The following PRDM6 variants were observed in gnomAD, a reference collection of about 807,000 sequenced individuals.
PRDM6 encodes the protein putative histone-lysine N-methyltransferase PRDM6.
In PRDM6, 25 loss-of-function variants were observed where a neutral mutation model predicts 60.8. The observed-to-expected ratio is 0.41, with a 90% CI of 0.30 to 0.57. PRDM6 has a LOEUF of 0.57. Among genes scored for constraint, PRDM6 ranks in the 20% least tolerant of loss-of-function variants. The probability of loss-of-function intolerance (pLI) is 0.27; values close to 1 mark genes in which losing one functional copy is unlikely to be tolerated. For missense variants in PRDM6, 839 were observed against 821.3 expected (o/e 1.02, Z -0.26); for synonymous variants, 407 against 357.4 (o/e 1.14, Z -1.57).
At chr5:123,147,473 G>T (rs1218572659) in intron 3 of PRDM6, among the ~76,000 whole-genome samples, 1 of 152,184 alleles carries the variant, frequency 6.6e-6, no homozygotes, top group Non-Finnish European at 1.5e-5. Context: ...AGATAGGTTT[G>T]TAGCAGGGCC....
At chr5:123,101,290 C>T (rs757160953) in intron 3 of PRDM6, among the ~76,000 whole-genome samples, 34 of 152,248 alleles carry the variant, frequency 2.2e-4, no homozygotes, top group Middle Eastern at 6.8e-3. Context: ...GTCTGCAAAG[C>T]CTCTTTTGAT....
At position 123,192,554 on chromosome 5, in the gene PRDM6, A is replaced by G. The variant is rs544729929; in HGVS notation, c.*5353A>G. 6 of 152,298 alleles carry G rather than the reference A, an allele frequency of 3.9e-5. No homozygotes were observed. Among genetic ancestry groups the G allele is most frequent in the African/African-American group, 9.6e-5 (4 of 41,580 alleles). The allele number at this position is 152,298 out of a possible 1,614,324, so 9.4% of individuals were successfully genotyped here. ...TGCTGGACAGAATTTCAACTATTCC[A>G]TTGCTGTCAGGCATTGTTTTTGTTT... On this transcript the variant is annotated 3_prime_UTR_variant, in exon 8 of 8. Transcript: ENST00000407847.
chr5:123,136,691 G>C (rs383705), intron 3 of PRDM6, among the ~76,000 whole-genome samples: 110,219 of 152,110 alleles, frequency 0.72, 40,095 homozygotes, highest in Non-Finnish European at 0.75. Flanking sequence ...GTAGAAAAAG[G>C]TTTAATAGAG....
intron 3 of PRDM6, among the ~76,000 whole-genome samples, chr5:123,125,271 G>A (rs942159679): frequency 6.6e-6 from 1 of 151,914 alleles, no homozygotes; most frequent in Non-Finnish European, 1.5e-5. Context: ...TGGGCTTATA[G>A]TACATTTTAA....
In PRDM6 at chr5:123,170,931, A is replaced by G. The variant is rs1765876728; in HGVS notation, c.1319A>G (p.Glu440Gly). 6.4e-7 allele frequency: 1 copy of G among 1,551,900 alleles called. No homozygotes were observed. The highest frequency in any genetic ancestry group is 1.2e-5 in the South Asian group (1 of 84,058). Residue 440 changes from glutamate (E) to glycine (G), a missense_variant, in exon 6 of 8, where the codon GAA becomes GGA. Physicochemically the swap from Glu to Gly is moderately conservative, Grantham distance 98 (BLOSUM62 -2). Transcript: ENST00000407847. ...FSLLDKSGPI[E>G]SGFNQINVKN... ...CTTCTGGATAAGTCTGGGCCCATTG[A>G]ATCAGGATTTAATCAAATCAACGTG...
At chr5:123,164,007 G>A (rs1333219010) in intron 5 of PRDM6, among the ~76,000 whole-genome samples, 1 of 152,158 alleles carries the variant, frequency 6.6e-6, no homozygotes, top group Non-Finnish European at 1.5e-5. Context: ...CTAGGTCAGA[G>A]TCAGGAAGGC....
chr5:123,174,511 A>G (rs925952275), intron 6 of PRDM6, among the ~76,000 whole-genome samples: 1 of 152,258 alleles, frequency 6.6e-6, no homozygotes, highest in African/African-American at 2.4e-5. Context: ...AAACAAGTCC[A>G]AATTTGAAAC....
At chr5:123,165,242 C>T (rs1463885825) in intron 5 of PRDM6, among the ~76,000 whole-genome samples, 4 of 152,168 alleles carry the variant, frequency 2.6e-5, no homozygotes, top group African/African-American at 4.8e-5. Context: ...ACTAAACCTG[C>T]GTAAAACTAA....
In PRDM6 at chr5:123,174,826, A is replaced by G. The variant is rs187773954; in HGVS notation, c.1496+3718A>G. ...CAAAGTAGAAATCAGCACTAAAGAC[A>G]AAAAACACACCCATGAGGGTCCAGG... On this transcript the variant is annotated intron_variant, in intron 6 of 7. Coordinates refer to ENST00000407847, the MANE Select transcript of PRDM6 (RefSeq NM_001136239.4). 7.2e-4 allele frequency among the ~76,000 whole-genome samples: 110 copies of G among 152,342 alleles called. 1 individual carries two copies. The highest frequency in any genetic ancestry group is 2.6e-3 in the African/African-American group (108 of 41,580).
intron 4 of PRDM6, among the ~76,000 whole-genome samples, chr5:123,156,897 G>A (rs751511844): frequency 6.6e-5 from 10 of 152,034 alleles, no homozygotes; most frequent in Non-Finnish European, 1.2e-4. Context: ...AAAATCCCTC[G>A]AAAACGTGTG....
intron 2 of PRDM6, among the ~76,000 whole-genome samples, chr5:123,095,803 A>C (rs1385904719): frequency 1.3e-5 from 2 of 152,212 alleles, no homozygotes. Context: ...ACGCGCCTAC[A>C]CATGACTGTT....
intron 3 of PRDM6, among the ~76,000 whole-genome samples, chr5:123,132,172 A>G (rs974933042): frequency 6.6e-6 from 1 of 152,278 alleles, no homozygotes; most frequent in African/African-American, 2.4e-5. Context: ...ATTTTTATGT[A>G]GAGAGTTCCA....
intron 3 of PRDM6, among the ~76,000 whole-genome samples, chr5:123,143,177 G>A (rs1580514227): frequency 2.0e-5 from 3 of 150,694 alleles, no homozygotes; most frequent in East Asian, 3.9e-4. Context: ...GTGTGTGTGT[G>A]TATGTGGGTG....
At chr5:123,091,431 C>G (rs909498733) in intron 2 of PRDM6, among the ~76,000 whole-genome samples, 2 of 152,154 alleles carry the variant, frequency 1.3e-5, no homozygotes, top group African/African-American at 4.8e-5. Context: ...CCTCTTCCTC[C>G]AAGTTAATAG....
At chr5:123,147,100 A>G (rs1325896235) in intron 3 of PRDM6, among the ~76,000 whole-genome samples, 1 of 152,196 alleles carries the variant, frequency 6.6e-6, no homozygotes, top group African/African-American at 2.4e-5. Context: ...TATACAAAAT[A>G]AGTTTTCGCA....
rs763432923 is a variant in PRDM6, at chr5:123,142,899, A to AAAAC, written c.901-12976_901-12973dup. On this transcript the variant is annotated intron_variant, in intron 3 of 7. Coordinates refer to ENST00000407847, the MANE Select transcript of PRDM6 (RefSeq NM_001136239.4). ...GACCAAAAAAAAAAAAAAAAAAAAA[A>AAAAC]AAACAAACAAACCAAAGCAAAACAA... is the stretch of plus-strand genomic sequence containing the variant. 1.2e-4 allele frequency among the ~76,000 whole-genome samples: 16 copies of AAAAC among 129,834 alleles called. 1 individual carries two copies. The highest frequency in any genetic ancestry group is 2.9e-4 in the African/African-American group (10 of 34,962). The allele number at this position is 129,834 out of a possible 152,430, so 85.2% of individuals were successfully genotyped here.
At chr5:123,104,151 T>C (rs1399446695) in intron 3 of PRDM6, among the ~76,000 whole-genome samples, 1 of 152,132 alleles carries the variant, frequency 6.6e-6, no homozygotes, top group Non-Finnish European at 1.5e-5. Context: ...AAGCAAATGG[T>C]CTATTTTTCA....
At chr5:123,136,633 A>G (rs1464113461) in intron 3 of PRDM6, among the ~76,000 whole-genome samples, 2 of 152,176 alleles carry the variant, frequency 1.3e-5, no homozygotes, top group Admixed American at 6.6e-5. Flanking sequence ...TTTGAGAATA[A>G]GGGGCTGGAG....
chr5:123,177,685 T>C (rs1766048599), intron 6 of PRDM6, among the ~76,000 whole-genome samples: 3 of 152,142 alleles, frequency 2.0e-5, no homozygotes, highest in Admixed American at 2.0e-4. Flanking sequence ...ATAGAGATCA[T>C]ATTGGTGATG....
Sources: gnomAD v4.1 joint callset for allele counts (sites outside exome capture counted in the v4.1 genomes callset) on GRCh38, gnomAD v4.1.1 for gene constraint, MANE v1.5 for transcripts, NCBI Gene and HGNC (gene_info 2026-07-23, HGNC 2026-07-21) for gene names.